CACNA1I: variants seen among roughly 807,000 people sequenced by gnomAD.
CACNA1I encodes the protein voltage-dependent T-type calcium channel subunit alpha-1I.
In CACNA1I, 74 loss-of-function variants were observed where a neutral mutation model predicts 201.6. That is an observed-to-expected ratio of 0.37 (90% CI 0.30 to 0.45). CACNA1I has a LOEUF of 0.45. Among genes scored for constraint, CACNA1I ranks in the 20% least tolerant of loss-of-function variants. The pLI is 1.00. For missense variants in CACNA1I, 2,346 were observed against 3,138.1 expected (o/e 0.75, Z 6.03); for synonymous variants, 1,431 against 1,345.2 (o/e 1.06, Z -1.40).
At chr22:39,609,432 C>G (rs1304365024) in intron 3 of CACNA1I, among the ~76,000 whole-genome samples, 1 of 152,218 alleles carries the variant, frequency 6.6e-6, no homozygotes, top group Non-Finnish European at 1.5e-5. Context: ...ACACAAAGTT[C>G]TGGTTACTGG....
In CACNA1I at chr22:39,640,873, G is replaced by A; in HGVS notation, c.747G>A (p.Gly249=). The A allele has an allele frequency of 1.2e-6, 2 of 1,611,954 alleles. No homozygotes were observed. The highest frequency in any genetic ancestry group is 1.1e-5 in the South Asian group (1 of 90,744). ...CFLEENFTIQ[G]DVALPPYYQP... ...CACCCTCGCCTGTGGACAGACAAGG[G>A]GATGTGGCCTTGCCCCCATACTACC... Residue 249 remains glycine (G), a synonymous_variant, in exon 6 of 37, where the codon GGG becomes GGA. Coordinates refer to ENST00000402142, the MANE Select transcript of CACNA1I (RefSeq NM_021096.4).
intron 4 of CACNA1I, 56 bp from the exon 5 acceptor site, chr22:39,634,509 C>A: frequency 1.9e-6 from 3 of 1,566,468 alleles, no homozygotes; most frequent in Non-Finnish European, 2.6e-6. Flanking sequence ...CTCACTCTTT[C>A]GTCTCTGGGA....
At chr22:39,613,901 A>C (rs559117534) in intron 3 of CACNA1I, among the ~76,000 whole-genome samples, 1 of 152,004 alleles carries the variant, frequency 6.6e-6, no homozygotes, top group South Asian at 2.1e-4. Context: ...GCAGTGGCGC[A>C]ATCTCAGCTC....
rs773125572 is a variant in CACNA1I at position 39,658,921 on chromosome 22, G to C, written c.2145-10G>C. The C allele has an allele frequency of 6.3e-7, 1 of 1,582,128 alleles. No homozygotes were observed. ...TACCTGTACCCTGGGCCTGCCCTGC[G>C]GGACCGCAGCATCTGGGAGATTGTG... is the stretch of plus-strand genomic sequence containing the variant. On this transcript the variant is annotated splice_polypyrimidine_tract_variant and intron_variant, in intron 11 of 36. Coordinates refer to ENST00000402142, the MANE Select transcript of CACNA1I (RefSeq NM_021096.4).
rs535566581 is a variant in CACNA1I at position 39,664,051 on chromosome 22, T to C, written c.3598-40T>C. On this transcript the variant is annotated intron_variant, in intron 19 of 36. Transcript: ENST00000402142. ...CGGCTGGCCAGTGGCCGGGCAGCTC[T>C]GGGAGCCCCTGAGCCTATGGTATCT... The C allele has an allele frequency of 1.6e-5, 25 of 1,590,744 alleles. No individual in the cohort carries two copies. In the Admixed American group the frequency reaches 3.0e-4, roughly 19 times the overall value.
intron 3 of CACNA1I, among the ~76,000 whole-genome samples, chr22:39,610,794 G>A (rs1933365445): frequency 6.6e-6 from 1 of 152,160 alleles, no homozygotes; most frequent in South Asian, 2.1e-4. Flanking sequence ...CACGGTGGCA[G>A]GGTGGTGGCA....
rs1569078501 is a variant in CACNA1I at position 39,647,819 on chromosome 22, CA to C, written c.1463-2del. On this transcript the variant is annotated splice_acceptor_variant, in intron 8 of 36. Coordinates refer to ENST00000402142, the MANE Select transcript of CACNA1I (RefSeq NM_021096.4). LOFTEE classifies it high-confidence loss of function. ...AGATAGTAATATTATCTCCACTTTT[CA>C]GATGGGAAGACTAAGGGTCAGGGAG... 1 of 1,584,984 alleles carries C rather than the reference CA, an allele frequency of 6.3e-7. No individual in the cohort carries two copies. The highest frequency in any genetic ancestry group is 8.7e-7 in the Non-Finnish European group (1 of 1,153,750).
In CACNA1I at chr22:39,661,193, G is replaced by A; in HGVS notation, c.2784G>A (p.Gly928=). The A allele has an allele frequency of 6.2e-7, 1 of 1,612,560 alleles. No individual in the cohort carries two copies. ...LPLGGHLGPA[G]AAGPAPRLSL... ...TGGGTGGGCACCTAGGTCCTGCTGG[G>A]GCTGCGGGACCTGCCCCCCGACTCT... The change falls in exon 16 of 37, where the codon GGG becomes GGA. Residue 928 remains glycine (G), a synonymous_variant. Transcript: ENST00000402142.
chr22:39,686,497 C>A lies in CACNA1I; in HGVS notation c.*92C>A. The stretch of plus-strand genomic sequence containing the variant: ...AGCAGACAGCAATACTTCGTCCACA[C>A]CTGGGATCGCGCAGGGCCCGCAGGG... On this transcript the variant is annotated 3_prime_UTR_variant, in exon 37 of 37. Transcript: ENST00000402142. 1 of 990,424 alleles carries A rather than the reference C, an allele frequency of 1.0e-6. No homozygotes were observed. The highest frequency in any genetic ancestry group is 1.3e-6 in the Non-Finnish European group (1 of 775,862). The allele number at this position is 990,424 out of a possible 1,614,324, so 61.4% of individuals were successfully genotyped here. A position where few individuals can be genotyped will look rare whatever the true frequency, so the allele number is the denominator to read the frequency against.
rs758050595 is a variant in CACNA1I at position 39,677,553 on chromosome 22, G to A, written c.4933+134G>A. 4.3e-5 allele frequency: 28 copies of A among 651,824 alleles called. No individual in the cohort carries two copies. The highest frequency in any genetic ancestry group is 6.9e-5 in the Non-Finnish European group (27 of 391,466). 40.4% of individuals were successfully genotyped at this position (651,824 alleles called of 1,614,324 possible). A position where few individuals can be genotyped will look rare whatever the true frequency, so the allele number is the denominator to read the frequency against. Reference sequence around the variant, plus strand: ...TGTATTGGGGAGATGCCTACAGCAGGGCCCTCAGCTGTCTGGTCTCCCAGG... The same window carrying A: ...TGTATTGGGGAGATGCCTACAGCAGAGCCCTCAGCTGTCTGGTCTCCCAGG... On this transcript the variant is annotated intron_variant, in intron 30 of 36. Transcript: ENST00000402142. The surrounding 1 kb of genome is among the most constrained non-coding windows in gnomAD (Gnocchi z 4.8).
chr22:39,599,159 A>G (rs1932965654), intron 2 of CACNA1I, among the ~76,000 whole-genome samples: 1 of 147,510 alleles, frequency 6.8e-6, no homozygotes, highest in South Asian at 2.2e-4. Context: ...CATGTTAGCC[A>G]GGATGGTCTC....
rs533847332 is a variant in CACNA1I, at chr22:39,666,426, G to C, written c.4104+420G>C. On this transcript the variant is annotated intron_variant, in intron 23 of 36. Coordinates refer to ENST00000402142, the MANE Select transcript of CACNA1I (RefSeq NM_021096.4). The surrounding 1 kb of genome is among the most constrained non-coding windows in gnomAD (Gnocchi z 4.1). ...AGCCTGCCAGGCAGGCTGCGGTCGAGATGAAAGGATATCAAGCCCTTGGCC... is the reference window on the plus strand; with the variant it reads ...AGCCTGCCAGGCAGGCTGCGGTCGACATGAAAGGATATCAAGCCCTTGGCC... 3.3e-5 allele frequency among the ~76,000 whole-genome samples: 5 copies of C among 152,202 alleles called. No individual in the cohort carries two copies. Among genetic ancestry groups the C allele is most frequent in the Non-Finnish European group, 5.9e-5 (4 of 68,034 alleles).
intron 1 of CACNA1I, among the ~76,000 whole-genome samples, chr22:39,573,220 G>A (rs933257388): frequency 3.3e-5 from 5 of 152,164 alleles, no homozygotes; most frequent in African/African-American, 1.2e-4. Flanking sequence ...TGTCTCAGGG[G>A]CCTTTCCTGG....
At position 39,658,993 on chromosome 22, in the gene CACNA1I, T is replaced by C; in HGVS notation, c.2207T>C (p.Leu736Pro). ...TCGGTGCTGCGGACCTTCCGGCTGC[T>C]GCGCGTGCTGAAACTGGTGCGCTTC... The part of the protein sequence containing the change: ...GLSVLRTFRL[L>P]RVLKLVRFMP... The change falls in exon 12 of 37, where the codon CTG (leucine) becomes CCG (proline). Residue 736 changes from leucine (L) to proline (P), a missense_variant. By Grantham distance (98) the Leu-to-Pro change is moderately conservative. This residue lies in a region of CACNA1I where 155 missense variants were observed against 300.8 expected (regional missense o/e 0.52). Transcript: ENST00000402142. 2 of 1,609,950 alleles carry C rather than the reference T, an allele frequency of 1.2e-6. No homozygotes were observed. The highest frequency in any genetic ancestry group is 1.7e-6 in the Non-Finnish European group (2 of 1,178,848).
At chr22:39,624,617 C>A (rs1035544040) in intron 4 of CACNA1I, among the ~76,000 whole-genome samples, 1 of 152,178 alleles carries the variant, frequency 6.6e-6, no homozygotes, top group Non-Finnish European at 1.5e-5. Flanking sequence ...TACTCACAGG[C>A]GATTCTGCGG....
At chr22:39,591,018 ATTT>A (rs1176086064) in intron 1 of CACNA1I, among the ~76,000 whole-genome samples, 1 of 147,004 alleles carries the variant, frequency 6.8e-6, no homozygotes, top group African/African-American at 2.5e-5. Flanking sequence ...TAATTAAAAA[ATTT>A]TTTTTTTTTT....
chr22:39,662,432 C>T lies in CACNA1I; in HGVS notation c.3369C>T (p.Asp1123=), dbSNP rs1384972044. ...GDRGEDEEEI[D]YTLCFRVRKM... ...GCGGGGAGGATGAGGAGGAAATCGA[C>T]TACGTGAGTGGGGGCGGGGCCGAAG... is the stretch of plus-strand genomic sequence containing the variant. The change falls in exon 17 of 37, where the codon GAC becomes GAT. Residue 1123 remains aspartate, a synonymous_variant. Transcript: ENST00000402142. 1.4e-6 allele frequency: 2 copies of T among 1,441,128 alleles called. No individual in the cohort carries two copies. Among genetic ancestry groups the T allele is most frequent in the East Asian group, 2.8e-5 (1 of 36,266 alleles). 89.3% of individuals were successfully genotyped at this position (1,441,128 alleles called of 1,614,324 possible). A position where few individuals can be genotyped will look rare whatever the true frequency, so the allele number is the denominator to read the frequency against.
rs919372993 is a variant in CACNA1I, at chr22:39,686,132, C to T, written c.6399C>T (p.Thr2133=). The T allele has an allele frequency of 2.0e-4, 254 of 1,270,086 alleles. 2 individuals carry two copies. In the East Asian group the frequency reaches 3.5e-3, roughly 17 times the overall value. 78.7% of individuals were successfully genotyped at this position (1,270,086 alleles called of 1,614,324 possible). Residue 2133 remains threonine (T), a synonymous_variant, in exon 37 of 37, where the codon ACC becomes ACT. Coordinates refer to ENST00000402142, the MANE Select transcript of CACNA1I (RefSeq NM_021096.4). ...HSETLSSLSL[T]SLFCPPPPPP... is the part of the protein sequence containing the mutation. ...AGACCCTCAGCAGCCTCTCGCTCAC[C>T]TCCCTCTTCTGCCCGCCGCCCCCGC...
At position 39,598,217 on chromosome 22, in the gene CACNA1I, G is replaced by C. The variant is rs1166208943; in HGVS notation, c.303G>C (p.Pro101=). 1 of 1,608,698 alleles carries C rather than the reference G, an allele frequency of 6.2e-7. No individual in the cohort carries two copies. The highest frequency in any genetic ancestry group is 8.5e-7 in the Non-Finnish European group (1 of 1,178,018). The change falls in exon 2 of 37, where the codon CCG becomes CCC. Residue 101 remains proline (P), a synonymous_variant. Coordinates refer to ENST00000402142, the MANE Select transcript of CACNA1I (RefSeq NM_021096.4). ...LNCVTLGMYQ[P]CDDMDCLSDR... The stretch of plus-strand genomic sequence containing the variant: ...GCGTGACACTTGGCATGTACCAGCC[G>C]TGCGACGACATGGACTGCCTGTCCG...
Sources: allele counts gnomAD v4.1 joint callset (sites outside exome capture counted in the v4.1 genomes callset), GRCh38; gene constraint gnomAD v4.1.1; regional missense constraint gnomAD v4.1.1; non-coding constraint Gnocchi (gnomAD v3.1); transcripts MANE v1.5; gene names NCBI Gene and HGNC (gene_info 2026-07-23, HGNC 2026-07-21).